VPS53: variants seen among roughly 807,000 people sequenced by gnomAD.
VPS53 encodes the protein vacuolar protein sorting-associated protein 53 homolog.
In VPS53, 70 loss-of-function variants were observed where a neutral mutation model predicts 107.0. The observed-to-expected ratio is 0.65, with a 90% CI of 0.54 to 0.80. VPS53 has a LOEUF of 0.80. VPS53 is among the 30% of genes least tolerant of loss of function. The pLI is 0.00. For synonymous variants in VPS53, 409 were observed against 393.3 expected, an observed-to-expected ratio of 1.04 and a Z score of -0.47; for missense variants, 917 against 1,049.4, an observed-to-expected ratio of 0.87 and a Z score of 1.74.
intron 18 of VPS53, among the ~76,000 whole-genome samples, chr17:535,839 G>A (rs535068413): frequency 6.6e-6 from 1 of 152,252 alleles, no homozygotes; most frequent in South Asian, 2.1e-4. Flanking sequence ...GACACCACAA[G>A]CCGCTCCATA....
intron 12 of VPS53, among the ~76,000 whole-genome samples, chr17:597,903 CA>C (rs367989527): frequency 6.6e-6 from 1 of 150,874 alleles, no homozygotes; most frequent in African/African-American, 2.4e-5. Context: ...ACCTCTGGTT[CA>C]AAAAAAAATT....
At chr17:548,961 TA>T (rs895940656) in intron 17 of VPS53, among the ~76,000 whole-genome samples, 1 of 152,216 alleles carries the variant, frequency 6.6e-6, no homozygotes, top group Non-Finnish European at 1.5e-5. Flanking sequence ...CCTCCCTCTT[TA>T]AAAAGGGTGT....
intron 12 of VPS53, among the ~76,000 whole-genome samples, chr17:591,930 C>T (rs1967681738): frequency 6.6e-6 from 1 of 152,134 alleles, no homozygotes; most frequent in South Asian, 2.1e-4. Context: ...GAGCTGAGTT[C>T]CATTCCTGAG....
At chr17:609,867 C>A (rs537071622) in intron 11 of VPS53, among the ~76,000 whole-genome samples, 4 of 152,036 alleles carry the variant, frequency 2.6e-5, no homozygotes, top group South Asian at 2.1e-4. Context: ...CGGTGGCTCA[C>A]GCCTGTAATC....
At chr17:547,383 T>A (rs952218259) in intron 17 of VPS53, among the ~76,000 whole-genome samples, 3 of 152,122 alleles carry the variant, frequency 2.0e-5, no homozygotes, top group African/African-American at 7.2e-5. Context: ...ACCATGCACA[T>A]GCCCTGAAAA....
intron 2 of VPS53, among the ~76,000 whole-genome samples, chr17:706,824 G>A (rs1351789053): frequency 6.6e-6 from 1 of 152,082 alleles, no homozygotes; most frequent in Non-Finnish European, 1.5e-5. Flanking sequence ...TCTCAGATCT[G>A]GTTCTCTCTA....
At chr17:530,143 C>CTTTTTT (rs35030075) in intron 19 of VPS53, among the ~76,000 whole-genome samples, 1 of 127,284 alleles carries the variant, frequency 7.9e-6, no homozygotes, top group African/African-American at 2.9e-5. Context: ...AATTTATATT[C>CTTTTTT]TTTTTTTTTT....
At chr17:673,632 A>G (rs1000203272) in intron 4 of VPS53, 15 of 152,370 alleles carry the variant, frequency 9.8e-5, no homozygotes, top group South Asian at 6.2e-4. Flanking sequence ...CAAATGCCAG[A>G]TGGCGCCCAT....
intron 15 of VPS53, among the ~76,000 whole-genome samples, chr17:556,296 A>G (rs1184363320): frequency 3.3e-5 from 5 of 152,158 alleles, no homozygotes; most frequent in Non-Finnish European, 2.9e-5. Context: ...AAAGAATCTG[A>G]GCAACAAGGA....
intron 11 of VPS53, among the ~76,000 whole-genome samples, chr17:602,900 G>A (rs769053913): frequency 1.4e-4 from 21 of 152,192 alleles, no homozygotes; most frequent in Admixed American, 4.6e-4. Flanking sequence ...AAACAGAAAA[G>A]AGGGACTGCT....
chr17:589,851 G>C (rs9891801), intron 12 of VPS53, among the ~76,000 whole-genome samples: 6,465 of 152,090 alleles, frequency 0.043, 450 homozygotes, highest in African/African-American at 0.15. Flanking sequence ...GATTGACTTG[G>C]CGATGTGGGC....
intron 4 of VPS53, among the ~76,000 whole-genome samples, chr17:689,706 T>G (rs1238650404): frequency 1.3e-5 from 2 of 152,078 alleles, no homozygotes; most frequent in Admixed American, 1.3e-4. Context: ...ACTCCTGATC[T>G]CAGGCGATCC....
At chr17:622,601 C>T (rs1022799671) in intron 11 of VPS53, among the ~76,000 whole-genome samples, 2 of 152,130 alleles carry the variant, frequency 1.3e-5, no homozygotes, top group Non-Finnish European at 2.9e-5. Flanking sequence ...ATGATGCAAA[C>T]AGAAATTACC....
chr17:617,459 TG>T (rs1969194818), intron 11 of VPS53, among the ~76,000 whole-genome samples: 1 of 152,254 alleles, frequency 6.6e-6, no homozygotes, highest in Admixed American at 6.5e-5. Flanking sequence ...TGGAGTGCAG[TG>T]GTGCAATCTC....
chr17:567,164 A>G (rs1913604932), intron 13 of VPS53, among the ~76,000 whole-genome samples: 1 of 152,218 alleles, frequency 6.6e-6, no homozygotes, highest in African/African-American at 2.4e-5. Flanking sequence ...CCTATTTCAG[A>G]GCCACCCCAA....
At chr17:596,487 G>A (rs943754520) in intron 12 of VPS53, among the ~76,000 whole-genome samples, 6 of 152,076 alleles carry the variant, frequency 3.9e-5, no homozygotes, top group Admixed American at 1.3e-4. Context: ...TGCAGATGAC[G>A]CTGCCCTGCC....
At chr17:639,155 AT>A (rs1970322703) in intron 7 of VPS53, among the ~76,000 whole-genome samples, 1 of 151,996 alleles carries the variant, frequency 6.6e-6, no homozygotes, top group Non-Finnish European at 1.5e-5. Flanking sequence ...TTCTTGCTTC[AT>A]TTCATTCATT....
chr17:658,252 AG>A, intron 5 of VPS53, among the ~76,000 whole-genome samples: 2 of 95,914 alleles, frequency 2.1e-5, no homozygotes, highest in Non-Finnish European at 2.5e-5. Flanking sequence ...GTTCGTGGAT[AG>A]ATAACATCCC....
intron 17 of VPS53, among the ~76,000 whole-genome samples, chr17:541,199 C>T (rs986560373): frequency 1.3e-5 from 2 of 152,216 alleles, no homozygotes; most frequent in African/African-American, 4.8e-5. Context: ...CTCACTCTCA[C>T]TCTGATGCCT....
Sources: gnomAD v4.1 joint callset for allele counts (sites outside exome capture counted in the v4.1 genomes callset) on GRCh38, gnomAD v4.1.1 for gene constraint, MANE v1.5 for transcripts, NCBI Gene and HGNC (gene_info 2026-07-23, HGNC 2026-07-21) for gene names.